The following KAZN variants were observed in gnomAD, a reference collection of about 807,000 sequenced individuals.
The protein encoded by KAZN is kazrin, periplakin interacting protein, also known as kazrin.
Under a neutral mutation model 87.4 loss-of-function variants are expected in KAZN, and 40 were observed. That is an observed-to-expected ratio of 0.46 (90% CI 0.36 to 0.60). The LOEUF (loss-of-function observed/expected upper bound fraction) is 0.60, where lower values mean the gene tolerates loss of function less well. Ranked by LOEUF, KAZN falls within the 20% of genes least tolerant of loss-of-function variation. The pLI is 0.00. For missense variants in KAZN, 898 were observed against 1,073.9 expected (o/e 0.84, Z 2.29); for synonymous variants, 466 against 458.3 (o/e 1.02, Z -0.22).
At chr1:14,468,280 A>G (rs1293364473) in intron 2 of KAZN, among the ~76,000 whole-genome samples, 3 of 152,222 alleles carry the variant, frequency 2.0e-5, no homozygotes, top group Non-Finnish European at 4.4e-5. Context: ...TACATGAAAC[A>G]TGCTTGAATT....
chr1:14,510,822 T>C (rs2148444647), intron 2 of KAZN, among the ~76,000 whole-genome samples: 1 of 152,184 alleles, frequency 6.6e-6, no homozygotes, highest in African/African-American at 2.4e-5. Flanking sequence ...GGAGGCAGAC[T>C]CAACAGAGCT....
intron 1 of KAZN, among the ~76,000 whole-genome samples, chr1:13,980,357 A>G (rs989088010): frequency 6.6e-6 from 1 of 152,210 alleles, no homozygotes; most frequent in African/African-American, 2.4e-5. Context: ...AGATTTTTAA[A>G]ACATATAACT....
At chr1:14,392,924 G>C (rs181520098) in intron 2 of KAZN, among the ~76,000 whole-genome samples, 1 of 152,144 alleles carries the variant, frequency 6.6e-6, no homozygotes, top group Non-Finnish European at 1.5e-5. Context: ...TTCTGGTCAG[G>C]AGGGGAGGGT....
chr1:14,402,248 A>T (rs1480218839), intron 2 of KAZN, among the ~76,000 whole-genome samples: 2 of 151,898 alleles, frequency 1.3e-5, no homozygotes, highest in Admixed American at 6.6e-5. Flanking sequence ...CAAAAAAAAA[A>T]AAATCTTCGA....
chr1:14,400,495 G>A (rs997398265), intron 2 of KAZN, among the ~76,000 whole-genome samples: 4 of 152,144 alleles, frequency 2.6e-5, no homozygotes, highest in South Asian at 2.1e-4. Context: ...TAGCAGATCT[G>A]GGATCAGAAC....
At chr1:14,993,296 T>C (rs1667535450) in intron 2 of KAZN, among the ~76,000 whole-genome samples, 1 of 151,404 alleles carries the variant, frequency 6.6e-6, no homozygotes, top group Non-Finnish European at 1.5e-5. Flanking sequence ...GGCGAAACAC[T>C]GTCTCTACCA....
intron 2 of KAZN, among the ~76,000 whole-genome samples, chr1:14,217,953 A>T (rs1646994667): frequency 6.6e-6 from 1 of 152,142 alleles, no homozygotes; most frequent in African/African-American, 2.4e-5. Flanking sequence ...TGACATTCAC[A>T]TGAAGGGCTC....
intron 1 of KAZN, among the ~76,000 whole-genome samples, chr1:14,038,663 T>C (rs2101380079): frequency 6.6e-6 from 1 of 152,052 alleles, no homozygotes; most frequent in Non-Finnish European, 1.5e-5. Flanking sequence ...TCGGGAGGGG[T>C]GCAGGGTCTC....
chr1:14,336,708 T>C (rs1657296420), intron 2 of KAZN, among the ~76,000 whole-genome samples: 1 of 152,258 alleles, frequency 6.6e-6, no homozygotes, highest in Admixed American at 6.5e-5. Context: ...TCATGACTAA[T>C]GATGTTGACT....
intron 1 of KAZN, among the ~76,000 whole-genome samples, chr1:14,880,721 C>T (rs934167890): frequency 3.3e-5 from 5 of 152,184 alleles, no homozygotes; most frequent in South Asian, 2.1e-4. Context: ...CTGCTTGTGG[C>T]TTCTCCCTGT....
intron 2 of KAZN, among the ~76,000 whole-genome samples, chr1:14,418,023 A>C (rs1664961462): frequency 8.2e-6 from 1 of 121,520 alleles, no homozygotes; most frequent in African/African-American, 3.1e-5. Context: ...AAAAAAAAAA[A>C]AAAAAAAAAA....
chr1:14,833,657 G>A (rs1356451988), intron 1 of KAZN, among the ~76,000 whole-genome samples: 1 of 152,126 alleles, frequency 6.6e-6, no homozygotes, highest in Non-Finnish European at 1.5e-5. Flanking sequence ...CTCCTGTGCA[G>A]TGAGGATTTC....
chr1:14,584,501 C>T (rs1675732828), intron 2 of KAZN, among the ~76,000 whole-genome samples: 1 of 152,148 alleles, frequency 6.6e-6, no homozygotes, highest in Non-Finnish European at 1.5e-5. Flanking sequence ...GTTGTGAGAG[C>T]CATAAATTCC....
intron 1 of KAZN, among the ~76,000 whole-genome samples, chr1:14,600,969 T>C (rs1676924362): frequency 6.6e-6 from 1 of 152,218 alleles, no homozygotes; most frequent in South Asian, 2.1e-4. Context: ...TACTCGCGGA[T>C]GGTTAAATTG....
intron 1 of KAZN, among the ~76,000 whole-genome samples, chr1:14,809,985 T>C (rs1298877864): frequency 1.3e-5 from 2 of 152,160 alleles, no homozygotes; most frequent in Non-Finnish European, 2.9e-5. Flanking sequence ...GGATACTCTT[T>C]GTTTTCGGAG....
chr1:14,215,833 A>G (rs1646946405), intron 2 of KAZN, among the ~76,000 whole-genome samples: 1 of 152,192 alleles, frequency 6.6e-6, no homozygotes, highest in African/African-American at 2.4e-5. Flanking sequence ...AGAATCCAAG[A>G]ACTAGAGATG....
At chr1:14,649,771 AC>A (rs1203975536) in intron 1 of KAZN, among the ~76,000 whole-genome samples, 1 of 151,996 alleles carries the variant, frequency 6.6e-6, no homozygotes, top group Non-Finnish European at 1.5e-5. Context: ...AAAACCAGAA[AC>A]CTCACTCCAA....
chr1:14,277,384 G>A (rs560859685), intron 2 of KAZN, among the ~76,000 whole-genome samples: 4 of 152,050 alleles, frequency 2.6e-5, no homozygotes, highest in Non-Finnish European at 4.4e-5. Context: ...CAACAGTAAC[G>A]GCCAGGCGCA....
In KAZN at chr1:14,774,887, C is replaced by A. The variant is rs59849934; in HGVS notation, c.226+175664C>A. Among the ~76,000 whole-genome samples the A allele has an allele frequency of 8.5e-3, 1,288 of 152,282 alleles. 25 individuals carry two copies. Among genetic ancestry groups the A allele is most frequent in the African/African-American group, 0.03 (1,236 of 41,548 alleles). ...ACCTGTGGAAAGTTCCCTGACATCC[C>A]CTGCCATTGTCCCTTCTCCTTCGTT... On this transcript the variant is annotated intron_variant, in intron 1 of 14. Transcript: ENST00000376030.
Sources: gnomAD v4.1 joint callset for allele counts (sites outside exome capture counted in the v4.1 genomes callset) on GRCh38, gnomAD v4.1.1 for gene constraint, MANE v1.5 for transcripts, NCBI Gene and HGNC (gene_info 2026-07-23, HGNC 2026-07-21) for gene names.